ATXN2: variants seen among roughly 807,000 people sequenced by gnomAD.
ATXN2 encodes the protein ataxin-2.
In ATXN2, 37 loss-of-function variants were observed where a neutral mutation model predicts 138.6. That is an observed-to-expected ratio of 0.27 (90% CI 0.21 to 0.35). The LOEUF is 0.35. ATXN2 is among the 10% of genes least tolerant of loss of function. The pLI, the probability that ATXN2 is intolerant of heterozygous loss-of-function variation, is 1.00. For synonymous variants in ATXN2, 549 were observed against 543.7 expected (o/e 1.01, Z -0.13); for missense variants, 1,216 against 1,480.3 (o/e 0.82, Z 2.93).
intron 1 of ATXN2, among the ~76,000 whole-genome samples, chr12:111,558,529 A>T (rs1882506820): frequency 6.6e-6 from 1 of 152,180 alleles, no homozygotes; most frequent in Non-Finnish European, 1.5e-5. Flanking sequence ...TGAATGTGGT[A>T]GCTCATGCTT....
intron 23 of ATXN2, chr12:111,454,087 G>A (rs1874881543): frequency 2.2e-6 from 1 of 454,056 alleles, no homozygotes; most frequent in African/African-American, 2.0e-5. Context: ...GTAGAAGTCA[G>A]GGCTGTGCTG....
chr12:111,474,989 G>A (rs185418837), intron 18 of ATXN2, among the ~76,000 whole-genome samples: 3 of 152,156 alleles, frequency 2.0e-5, no homozygotes, highest in Non-Finnish European at 4.4e-5. Flanking sequence ...CGAGGCGGGC[G>A]GATCACGAGG....
chr12:111,563,569 A>C (rs1317712000), intron 1 of ATXN2, among the ~76,000 whole-genome samples: 3 of 152,308 alleles, frequency 2.0e-5, no homozygotes, highest in Admixed American at 1.3e-4. Flanking sequence ...TTTTTATTTT[A>C]TATTAAATCT....
At chr12:111,556,678 T>C (rs933202654) in intron 1 of ATXN2, among the ~76,000 whole-genome samples, 3 of 151,658 alleles carry the variant, frequency 2.0e-5, no homozygotes, top group Admixed American at 6.6e-5. Flanking sequence ...TAGCCAGGTG[T>C]GGTGGCATGC....
chr12:111,522,228 TAAAAA>T (rs35035921), intron 6 of ATXN2, among the ~76,000 whole-genome samples: 1 of 108,136 alleles, frequency 9.2e-6, no homozygotes. Flanking sequence ...ATGCCCTACA[TAAAAA>T]AAAAAAAAAA....
chr12:111,534,918 T>A (rs966191138), intron 5 of ATXN2, among the ~76,000 whole-genome samples: 8 of 151,980 alleles, frequency 5.3e-5, no homozygotes, highest in African/African-American at 1.9e-4. Flanking sequence ...GAGGATCAAG[T>A]GAGCCCAGGA....
chr12:111,546,267 C>G (rs779248626), intron 5 of ATXN2, among the ~76,000 whole-genome samples: 1 of 152,164 alleles, frequency 6.6e-6, no homozygotes, highest in Non-Finnish European at 1.5e-5. Flanking sequence ...TATTTTTGAT[C>G]AGTCCTAAAA....
intron 14 of ATXN2, among the ~76,000 whole-genome samples, chr12:111,498,840 C>T (rs181513729): frequency 6.6e-4 from 100 of 152,062 alleles, no homozygotes; most frequent in Non-Finnish European, 1.1e-3. Context: ...ATGGTACTGG[C>T]ATAAAAAAAG....
intron 1 of ATXN2, among the ~76,000 whole-genome samples, chr12:111,567,749 G>A (rs1235685977): frequency 1.3e-5 from 2 of 152,016 alleles, no homozygotes; most frequent in Non-Finnish European, 2.9e-5. Flanking sequence ...AGGAGGCAGA[G>A]GTTGCAGTGG....
chr12:111,497,033 T>A (rs777184999), intron 14 of ATXN2, among the ~76,000 whole-genome samples: 4 of 152,070 alleles, frequency 2.6e-5, no homozygotes, highest in Admixed American at 6.6e-5. Context: ...GGAGACATTA[T>A]AATTGTTACC....
intron 14 of ATXN2, among the ~76,000 whole-genome samples, chr12:111,499,395 T>G (rs1400125199): frequency 6.6e-6 from 1 of 152,092 alleles, no homozygotes; most frequent in Non-Finnish European, 1.5e-5. Flanking sequence ...AAGATCTGAA[T>G]AGACATTTCT....
intron 23 of ATXN2, chr12:111,454,990 A>C (rs1355369731): frequency 2.9e-6 from 2 of 701,588 alleles, no homozygotes; most frequent in South Asian, 1.5e-5. Flanking sequence ...CACAGAACCT[A>C]AACTTTGCAG....
intron 5 of ATXN2, among the ~76,000 whole-genome samples, chr12:111,540,807 G>A (rs1374726801): frequency 6.8e-6 from 1 of 146,912 alleles, no homozygotes; most frequent in Non-Finnish European, 1.5e-5. Flanking sequence ...CAATTCTCCT[G>A]CCTTAGCCTC....
At position 111,510,465 on chromosome 12, in the gene ATXN2, G is replaced by A; in HGVS notation, c.1676C>T (p.Ala559Val). 1 of 1,614,166 alleles carries A rather than the reference G, an allele frequency of 6.2e-7. No individual in the cohort carries two copies. Among genetic ancestry groups the A allele is most frequent in the East Asian group, 2.2e-5 (1 of 44,878 alleles). Reference sequence around the variant, plus strand: ...TGCAGCTGGAATAGGCATGGCAACAGCTTCAGTTGGAATAATACCAGCTTG... The same window carrying A: ...TGCAGCTGGAATAGGCATGGCAACAACTTCAGTTGGAATAATACCAGCTTG... ...SPQAGIIPTEAVAMPIPAASP... is the reference protein window; with the variant it reads ...SPQAGIIPTEVVAMPIPAASP... Residue 559 changes from alanine (A) to valine (V), a missense_variant, in exon 12 of 25, where the codon GCT (alanine) becomes GTT (valine). Transcript: ENST00000673436.
chr12:111,539,883 A>G (rs1309515941), intron 5 of ATXN2, among the ~76,000 whole-genome samples: 1 of 150,644 alleles, frequency 6.6e-6, no homozygotes, highest in Non-Finnish European at 1.5e-5. Flanking sequence ...CAATACTATT[A>G]GTGAAGAATA....
intron 1 of ATXN2, chr12:111,597,725 A>G (rs767925974): frequency 1.5e-6 from 1 of 652,078 alleles, no homozygotes; most frequent in South Asian, 1.5e-5. Context: ...CTTAGGAGGG[A>G]AAAAGACGCT....
chr12:111,501,987 G>A (rs1459721485), intron 14 of ATXN2, among the ~76,000 whole-genome samples: 1 of 151,970 alleles, frequency 6.6e-6, no homozygotes, highest in South Asian at 2.1e-4. Flanking sequence ...CATCTCCCAG[G>A]CTCAAGTGAT....
intron 15 of ATXN2, among the ~76,000 whole-genome samples, chr12:111,487,958 T>C (rs1389098495): frequency 6.6e-6 from 1 of 152,212 alleles, no homozygotes; most frequent in Admixed American, 6.5e-5. Flanking sequence ...AGTTAAGTTC[T>C]GAGGTTAGCC....
At chr12:111,557,146 A>G (rs375940273) in intron 1 of ATXN2, among the ~76,000 whole-genome samples, 65 of 152,374 alleles carry the variant, frequency 4.3e-4, no homozygotes, top group African/African-American at 1.5e-3. Flanking sequence ...TCTCATAAAC[A>G]TTAGTCATGA....
Sources: gnomAD v4.1 joint callset for allele counts (sites outside exome capture counted in the v4.1 genomes callset) on GRCh38, gnomAD v4.1.1 for gene constraint, MANE v1.5 for transcripts, NCBI Gene and HGNC (gene_info 2026-07-23, HGNC 2026-07-21) for gene names.